TGFB3: variants seen among roughly 807,000 people sequenced by gnomAD.
The protein encoded by TGFB3 is transforming growth factor beta 3.
In TGFB3, 5 loss-of-function variants were observed where a neutral mutation model predicts 40.1. The observed-to-expected ratio is 0.12, with a 90% CI of 0.07 to 0.26. The LOEUF is 0.26. Ranked by LOEUF, TGFB3 falls within the 10% of genes least tolerant of loss-of-function variation. The probability of loss-of-function intolerance (pLI) is 1.00; values close to 1 mark genes in which losing one functional copy is unlikely to be tolerated. For missense variants in TGFB3, 373 were observed against 530.1 expected (o/e 0.70, Z 2.91); for synonymous variants, 184 against 205.6 (o/e 0.89, Z 0.90).
chr14:75,969,157 C>G (rs1208835495), intron 3 of TGFB3, among the ~76,000 whole-genome samples: 1 of 152,166 alleles, frequency 6.6e-6, no homozygotes, highest in Non-Finnish European at 1.5e-5. Flanking sequence ...AATGTGCAGG[C>G]CAAATAGTTT....
At position 75,980,287 on chromosome 14, in the gene TGFB3, G is replaced by C. The variant is rs894171658; in HGVS notation, c.352+255C>G. 5.9e-5 allele frequency among the ~76,000 whole-genome samples: 9 copies of C among 152,198 alleles called. No individual in the cohort carries two copies. The highest frequency in any genetic ancestry group is 2.2e-4 in the African/African-American group (9 of 41,442). ...CCAAATTAAAATCAGTCAAGGATGT[G>C]ATGTGAATTCAGCAAGCCACTCAGC... On this transcript the variant is annotated intron_variant, in intron 1 of 6. Coordinates refer to ENST00000238682, the MANE Select transcript of TGFB3 (RefSeq NM_003239.5). This position sits in a 1 kb window ranked among gnomAD's most constrained non-coding sequence, Gnocchi z 4.3.
Position 75,971,565 on chromosome 14 carries a change from T to C in TGFB3, c.506A>G (p.Glu169Gly), listed in dbSNP as rs1172825066. ...TGAGAGAGGAGTTACCTGGAAGAGC[T>C]CGATCCTCTGCTCATTCCGCTTAGA... ...PSSKRNEQRI[E>G]LFQILRPDEH... The change falls in exon 2 of 7, where the codon GAG (glutamate) becomes GGG (glycine). Residue 169 changes from glutamate (E) to glycine (G), a missense_variant. Physicochemically the swap from Glu to Gly is moderately conservative, Grantham distance 98. Coordinates refer to ENST00000238682, the MANE Select transcript of TGFB3 (RefSeq NM_003239.5). The surrounding 1 kb of genome is among the most constrained non-coding windows in gnomAD (Gnocchi z 4.5). 6.2e-7 allele frequency: 1 copy of C among 1,614,108 alleles called. No homozygotes were observed. The highest frequency in any genetic ancestry group is 8.5e-7 in the Non-Finnish European group (1 of 1,179,996).
At chr14:75,970,809 C>T in intron 3 of TGFB3, 1 of 365,728 alleles carries the variant, frequency 2.7e-6, no homozygotes, top group Non-Finnish European at 5.3e-6. Flanking sequence ...TGGGCTAAAT[C>T]CTTATCATTC....
At chr14:75,976,048 T>C (rs1324042509) in intron 1 of TGFB3, among the ~76,000 whole-genome samples, 2 of 152,250 alleles carry the variant, frequency 1.3e-5, no homozygotes, top group African/African-American at 4.8e-5. Flanking sequence ...AGAATATTCA[T>C]GTACAGTATG....
Position 75,960,359 on chromosome 14 carries a change from G to C in TGFB3, c.1080+564C>G, listed in dbSNP as rs115939316. 1,181 of 169,386 alleles carry C rather than the reference G, an allele frequency of 7.0e-3. 17 individuals carry two copies. Among genetic ancestry groups the C allele is most frequent in the South Asian group, 0.027 (171 of 6,352 alleles). The allele number at this position is 169,386 out of a possible 1,614,324, so 10.5% of individuals were successfully genotyped here. A position where few individuals can be genotyped will look rare whatever the true frequency, so the allele number is the denominator to read the frequency against. On this transcript the variant is annotated intron_variant, in intron 6 of 6. Coordinates refer to ENST00000238682, the MANE Select transcript of TGFB3 (RefSeq NM_003239.5). ...CCATTTAGTAAGTGCAGCGTGCAGG[G>C]CCCCAGACAGGATGCAGAAACAATG...
intron 1 of TGFB3, among the ~76,000 whole-genome samples, chr14:75,973,375 T>C (rs967336463): frequency 1.3e-5 from 2 of 152,214 alleles, no homozygotes; most frequent in Non-Finnish European, 2.9e-5. Context: ...AGAAAATTAA[T>C]GGAACAGATG....
At chr14:75,962,265 C>T (rs149745888) in intron 5 of TGFB3, among the ~76,000 whole-genome samples, 53 of 152,178 alleles carry the variant, frequency 3.5e-4, no homozygotes, top group African/African-American at 1.1e-3. Flanking sequence ...CTAACTGATT[C>T]GTTCCTAACT....
Position 75,981,080 on chromosome 14 carries a change from C to G in TGFB3, c.-187G>C, listed in dbSNP as rs2035425571. The G allele has an allele frequency of 7.8e-6, 5 of 640,086 alleles. No homozygotes were observed. In the Admixed American group the frequency reaches 9.5e-5, roughly 12 times the overall value. 39.7% of individuals were successfully genotyped at this position (640,086 alleles called of 1,614,324 possible). ...AGGACTTCCAGGAAGCGCTGGCAAC[C>G]CTGAGGACGAAGAAGCGGACTGTGT... On this transcript the variant is annotated 5_prime_UTR_variant, in exon 1 of 7. Transcript: ENST00000238682. The surrounding 1 kb of genome is among the most constrained non-coding windows in gnomAD (Gnocchi z 4.7).
At chr14:75,970,155 G>A (rs1342064090) in intron 3 of TGFB3, among the ~76,000 whole-genome samples, 1 of 152,164 alleles carries the variant, frequency 6.6e-6, no homozygotes, top group African/African-American at 2.4e-5. Context: ...AGAGGGACAG[G>A]AAGGAATTCC....
chr14:75,971,341 C>T lies in TGFB3; in HGVS notation c.517-86G>A, dbSNP rs1316846193. 20 of 1,600,396 alleles carry T rather than the reference C, an allele frequency of 1.2e-5. No homozygotes were observed. Among genetic ancestry groups the T allele is most frequent in the Middle Eastern group, 3.6e-4 (2 of 5,610 alleles). ...ACAATGCAGAGCACAGGTGAGGGAG[C>T]GATAGGAAACCAGTGGTTCCTGAAT... is the stretch of plus-strand genomic sequence containing the variant. On this transcript the variant is annotated intron_variant, in intron 2 of 6. Coordinates refer to ENST00000238682, the MANE Select transcript of TGFB3 (RefSeq NM_003239.5). This position sits in a 1 kb window ranked among gnomAD's most constrained non-coding sequence, Gnocchi z 4.5.
chr14:75,978,701 T>G lies in TGFB3; in HGVS notation c.352+1841A>C, dbSNP rs532161510. 4.6e-5 allele frequency among the ~76,000 whole-genome samples: 7 copies of G among 152,350 alleles called. No individual in the cohort carries two copies. Among genetic ancestry groups the G allele is most frequent in the African/African-American group, 1.7e-4 (7 of 41,578 alleles). ...GCATCTATGGGGCCCTGCCCGGGCT[T>G]TTCCCAAGGACATCTGCTATTTGTG... On this transcript the variant is annotated intron_variant, in intron 1 of 6. Coordinates refer to ENST00000238682, the MANE Select transcript of TGFB3 (RefSeq NM_003239.5). The surrounding 1 kb of genome is among the most constrained non-coding windows in gnomAD (Gnocchi z 5.0).
chr14:75,971,631 A>C lies in TGFB3; in HGVS notation c.440T>G (p.Phe147Cys), dbSNP rs752691299. 5.6e-6 allele frequency: 9 copies of C among 1,614,056 alleles called. No individual in the cohort carries two copies. Among genetic ancestry groups the C allele is most frequent in the Non-Finnish European group, 7.6e-6 (9 of 1,180,038 alleles). ...SSVEKNRTNL[F>C]RAEFRVLRVP... ...CCGCAAGACCCGGAATTCTGCTCGGAATAGGTTGGTTCTATTTTTCTCCAC... is the reference window on the plus strand; with the variant it reads ...CCGCAAGACCCGGAATTCTGCTCGGCATAGGTTGGTTCTATTTTTCTCCAC... The change falls in exon 2 of 7, where the codon TTC (phenylalanine) becomes TGC (cysteine). Residue 147 changes from phenylalanine (F) to cysteine (C), a missense_variant. Coordinates refer to ENST00000238682, the MANE Select transcript of TGFB3 (RefSeq NM_003239.5). This position sits in a 1 kb window ranked among gnomAD's most constrained non-coding sequence, Gnocchi z 4.5.
At chr14:75,968,873 G>A (rs766970810) in intron 3 of TGFB3, among the ~76,000 whole-genome samples, 31 of 152,110 alleles carry the variant, frequency 2.0e-4, no homozygotes, top group Non-Finnish European at 3.7e-4. Context: ...GATGGCTACC[G>A]AGCCCAGGCA....
In TGFB3 at chr14:75,981,928, C is replaced by T. The variant is rs978916836; in HGVS notation, c.-1035G>A. 7.1e-6 allele frequency among the ~76,000 whole-genome samples: 1 copy of T among 140,002 alleles called. No homozygotes were observed. Among genetic ancestry groups the T allele is most frequent in the African/African-American group, 2.5e-5 (1 of 39,232 alleles). The allele number at this position is 140,002 out of a possible 152,430, so 91.8% of individuals were successfully genotyped here. Reference sequence around the variant, plus strand: ...TCTGCTTCCCTCCCTTTCTCTCTCTCCCTCTCCCTCTCCCTCTCGCTCCTC... The same window carrying T: ...TCTGCTTCCCTCCCTTTCTCTCTCTTCCTCTCCCTCTCCCTCTCGCTCCTC... On this transcript the variant is annotated 5_prime_UTR_variant, in exon 1 of 7. Transcript: ENST00000238682. This position sits in a 1 kb window ranked among gnomAD's most constrained non-coding sequence, Gnocchi z 4.7.
intron 1 of TGFB3, among the ~76,000 whole-genome samples, chr14:75,975,866 G>A (rs955220479): frequency 6.6e-6 from 1 of 152,198 alleles, no homozygotes; most frequent in African/African-American, 2.4e-5. Context: ...CTGCAAACGA[G>A]TTTGTGGTTC....
Position 75,981,965 on chromosome 14 carries a change from C to T in TGFB3, c.-1072G>A, listed in dbSNP as rs551447764. On this transcript the variant is annotated 5_prime_UTR_variant, in exon 1 of 7. Coordinates refer to ENST00000238682, the MANE Select transcript of TGFB3 (RefSeq NM_003239.5). The surrounding 1 kb of genome is among the most constrained non-coding windows in gnomAD (Gnocchi z 4.7). ...CCCTCTCGCTCCTCTCCCTCTCTCTCTCACACACACACACATGCACACACA... is the reference window on the plus strand; with the variant it reads ...CCCTCTCGCTCCTCTCCCTCTCTCTTTCACACACACACACATGCACACACA... Among the ~76,000 whole-genome samples the T allele has an allele frequency of 2.6e-5, 4 of 151,902 alleles. No individual in the cohort carries two copies. Among genetic ancestry groups the T allele is most frequent in the African/African-American group, 7.2e-5 (3 of 41,428 alleles).
intron 1 of TGFB3, among the ~76,000 whole-genome samples, chr14:75,975,324 C>T (rs1362064712): frequency 1.3e-5 from 2 of 152,016 alleles, no homozygotes; most frequent in African/African-American, 4.8e-5. Flanking sequence ...GCCGAGATTG[C>T]ACCAGTGCAC....
intron 3 of TGFB3, among the ~76,000 whole-genome samples, chr14:75,967,589 G>C (rs989959141): frequency 2.3e-4 from 35 of 152,174 alleles, no homozygotes; most frequent in African/African-American, 8.2e-4. Flanking sequence ...AGCTGTGTTG[G>C]GGAGAGTGAG....
At position 75,979,066 on chromosome 14, in the gene TGFB3, C is replaced by T. The variant is rs1213397640; in HGVS notation, c.352+1476G>A. Among the ~76,000 whole-genome samples the T allele has an allele frequency of 6.6e-6, 1 of 152,144 alleles. No individual in the cohort carries two copies. Among genetic ancestry groups the T allele is most frequent in the Admixed American group, 6.5e-5 (1 of 15,282 alleles). ...CTGTGGGTCTCTGAGCCAGCCCCAC[C>T]CAGAGACCCTGGGCAGGGAGTAGTA... On this transcript the variant is annotated intron_variant, in intron 1 of 6. Transcript: ENST00000238682. This position sits in a 1 kb window ranked among gnomAD's most constrained non-coding sequence, Gnocchi z 4.8.
Sources: allele counts gnomAD v4.1 joint callset (sites outside exome capture counted in the v4.1 genomes callset), GRCh38; gene constraint gnomAD v4.1.1; non-coding constraint Gnocchi (gnomAD v3.1); transcripts MANE v1.5; gene names NCBI Gene and HGNC (gene_info 2026-07-23, HGNC 2026-07-21).